PCLO: variants seen among roughly 807,000 people sequenced by gnomAD.
PCLO encodes piccolo presynaptic cytomatrix protein.
PCLO carries 82 observed loss-of-function variants against 427.5 expected under a neutral mutation model. The observed-to-expected ratio is 0.19, with a 90% CI of 0.16 to 0.23. The LOEUF is 0.23. PCLO is among the 10% of genes least tolerant of loss of function. The pLI is 1.00. For synonymous variants in PCLO, 2,357 were observed against 2,155.4 expected, an observed-to-expected ratio of 1.09 and a Z score of -2.59; for missense variants, 6,239 against 6,115.9, an observed-to-expected ratio of 1.02 and a Z score of -0.67.
At chr7:83,107,303 T>A (rs1424012814) in intron 3 of PCLO, among the ~76,000 whole-genome samples, 1 of 152,166 alleles carries the variant, frequency 6.6e-6, no homozygotes, top group Non-Finnish European at 1.5e-5. Context: ...ATCCATCCCA[T>A]TGGAGTTAAG....
intron 6 of PCLO, among the ~76,000 whole-genome samples, chr7:82,947,499 G>C (rs535053524): frequency 6.6e-6 from 1 of 152,056 alleles, no homozygotes; most frequent in Non-Finnish European, 1.5e-5. Context: ...AGTATGTCTA[G>C]ACATTTGCCT....
At chr7:82,796,288 G>T (rs1791221804) in intron 22 of PCLO, among the ~76,000 whole-genome samples, 1 of 152,110 alleles carries the variant, frequency 6.6e-6, no homozygotes, top group Non-Finnish European at 1.5e-5. Context: ...AGTGACACTG[G>T]ATTTTAGATT....
In PCLO at chr7:82,915,310, A is replaced by G. The variant is rs1183128311; in HGVS notation, c.12676T>C (p.Ser4226Pro). ...YSSYMTSSTSSIGGISSRARL... is the reference protein window; with the variant it reads ...YSSYMTSSTSPIGGISSRARL... The stretch of plus-strand genomic sequence containing the variant: ...GCCCTGGAGGAAATGCCACCAATAG[A>G]TGAAGTGCTAGAAGTCATATAGCTT... Residue 4226 changes from serine (S) to proline (P), a missense_variant, in exon 7 of 25, where the codon TCT becomes CCT. Physicochemically the swap from Ser to Pro is moderately conservative, Grantham distance 74. Around this residue, in one of 5 missense-constraint regions of PCLO, gnomAD observed 680 missense variants for 677.3 expected, o/e 1.00. Coordinates refer to ENST00000333891, the MANE Select transcript of PCLO (RefSeq NM_033026.6). 6 of 1,613,610 alleles carry G rather than the reference A, an allele frequency of 3.7e-6. No homozygotes were observed. Among genetic ancestry groups the G allele is most frequent in the Non-Finnish European group, 5.1e-6 (6 of 1,179,698 alleles).
chr7:82,965,880 G>A lies in PCLO; in HGVS notation c.3908C>T (p.Pro1303Leu). 6.2e-7 allele frequency: 1 copy of A among 1,613,902 alleles called. No homozygotes were observed. Among genetic ancestry groups the A allele is most frequent in the South Asian group, 1.1e-5 (1 of 91,078 alleles). Residue 1303 changes from proline to leucine, a missense_variant, in exon 4 of 25, where the codon CCT becomes CTT. This residue lies in a region of PCLO where 4,677 missense variants were observed against 4,468.4 expected (regional missense o/e 1.05). Transcript: ENST00000333891. Reference sequence around the variant, plus strand: ...ATCATCTTCTTTAGGTAAACTCTGAGGTGTGCCAGATGGTAAACCTTCCAT... The same window carrying A: ...ATCATCTTCTTTAGGTAAACTCTGAAGTGTGCCAGATGGTAAACCTTCCAT... Reference protein sequence around the residue: ...TKMEGLPSGTPQSLPKEDDKT... With the variant: ...TKMEGLPSGTLQSLPKEDDKT...
chr7:83,095,457 C>T (rs1790510075), intron 3 of PCLO, among the ~76,000 whole-genome samples: 1 of 151,004 alleles, frequency 6.6e-6, no homozygotes, highest in African/African-American at 2.4e-5. Context: ...TTATTTTTTT[C>T]CTTCTACTTG....
At chr7:82,776,097 G>C (rs1283321237) in intron 22 of PCLO, among the ~76,000 whole-genome samples, 1 of 151,910 alleles carries the variant, frequency 6.6e-6, no homozygotes, top group East Asian at 1.9e-4. Flanking sequence ...TTCTATATAG[G>C]TGTTCACATT....
At chr7:82,946,081 A>G (rs558150852) in intron 6 of PCLO, among the ~76,000 whole-genome samples, 10 of 152,314 alleles carry the variant, frequency 6.6e-5, no homozygotes, top group Admixed American at 3.3e-4. Flanking sequence ...TTCAACCTGT[A>G]TTCAGTGTTT....
chr7:82,826,262 C>T (rs1791941896), intron 18 of PCLO, among the ~76,000 whole-genome samples: 1 of 151,942 alleles, frequency 6.6e-6, no homozygotes, highest in Non-Finnish European at 1.5e-5. Context: ...CCTGTAAATG[C>T]ATTTTTAAAA....
chr7:83,065,959 T>A (rs987110), intron 3 of PCLO, among the ~76,000 whole-genome samples: 117,515 of 151,452 alleles, frequency 0.78, 46,444 homozygotes, highest in African/African-American at 0.92. Context: ...CTCTCATAGA[T>A]GATCATCTTT....
chr7:83,049,137 A>G (rs929925966), intron 3 of PCLO, among the ~76,000 whole-genome samples: 8 of 152,188 alleles, frequency 5.3e-5, no homozygotes, highest in African/African-American at 1.9e-4. Context: ...AGGGAACAGA[A>G]AGAAAAATAA....
At chr7:82,866,655 TAC>T (rs71096605) in intron 10 of PCLO, among the ~76,000 whole-genome samples, 17,144 of 142,956 alleles carry the variant, frequency 0.12, 1,068 homozygotes, top group East Asian at 0.18. Flanking sequence ...TGAAATTTTA[TAC>T]ACACACACAC....
At chr7:82,763,963 A>G (rs1163318886) in intron 22 of PCLO, among the ~76,000 whole-genome samples, 1 of 152,042 alleles carries the variant, frequency 6.6e-6, no homozygotes, top group East Asian at 1.9e-4. Flanking sequence ...TCAGAAATAT[A>G]TAAGATAAAT....
intron 3 of PCLO, among the ~76,000 whole-genome samples, chr7:83,015,852 T>G (rs888646313): frequency 2.0e-5 from 3 of 152,182 alleles, no homozygotes; most frequent in Admixed American, 6.6e-5. Flanking sequence ...TGTTATCTTT[T>G]AATTCTATCC....
At chr7:82,850,433 T>C (rs1792622937) in intron 10 of PCLO, among the ~76,000 whole-genome samples, 1 of 152,138 alleles carries the variant, frequency 6.6e-6, no homozygotes, top group African/African-American at 2.4e-5. Context: ...AGACAATAAT[T>C]AGGTAATTCA....
At chr7:83,057,340 ATATATATATTTTTTTTTTT>A (rs1171004734) in intron 3 of PCLO, among the ~76,000 whole-genome samples, 1 of 25,104 alleles carries the variant, frequency 4.0e-5, no homozygotes, top group African/African-American at 1.5e-4. Context: ...ATATATATAT[ATATATATATTTTTTTTTTT>A]TTTTTTTTTT....
At position 82,858,533 on chromosome 7, in the gene PCLO, G is replaced by A. The variant is rs572121283; in HGVS notation, c.13655-11286C>T. On this transcript the variant is annotated intron_variant, in intron 10 of 24. Coordinates refer to ENST00000333891, the MANE Select transcript of PCLO (RefSeq NM_033026.6). ...AAAATTGTCTATTTGCAGATGACAC[G>A]ATGTTATATATGGAAAACAGTCAAG... Among the ~76,000 whole-genome samples, 158 of 152,160 alleles carry A rather than the reference G, an allele frequency of 1.0e-3. 1 individual carries two copies. The highest frequency in any genetic ancestry group is 1.7e-3 in the Non-Finnish European group (115 of 67,986).
At chr7:83,097,913 T>A (rs996460157) in intron 3 of PCLO, among the ~76,000 whole-genome samples, 4 of 152,114 alleles carry the variant, frequency 2.6e-5, no homozygotes, top group African/African-American at 7.2e-5. Context: ...ATAAAATTAA[T>A]TTCCAAAGTG....
At position 82,914,972 on chromosome 7, in the gene PCLO, C is replaced by T; in HGVS notation, c.13014G>A (p.Lys4338=). The part of the protein sequence containing the change: ...FSHASSSART[K]PTSLPISQSR... The stretch of plus-strand genomic sequence containing the variant: ...TTTGACTAATTGGCAAACTGGTCGG[C>T]TTAGTTCTGGCAGAGGATGATGCAT... The change falls in exon 7 of 25, where the codon AAG becomes AAA. Residue 4338 remains lysine, a synonymous_variant. Transcript: ENST00000333891. 6.2e-7 allele frequency: 1 copy of T among 1,613,670 alleles called. No homozygotes were observed. The highest frequency in any genetic ancestry group is 2.2e-5 in the East Asian group (1 of 44,824).
chr7:83,054,674 T>G (rs1583963450), intron 3 of PCLO, among the ~76,000 whole-genome samples: 1 of 151,970 alleles, frequency 6.6e-6, no homozygotes, highest in South Asian at 2.1e-4. Flanking sequence ...AAAATTTACA[T>G]AGTAAACCAT....
Sources: gnomAD v4.1 joint callset for allele counts (sites outside exome capture counted in the v4.1 genomes callset) on GRCh38, gnomAD v4.1.1 for gene constraint, gnomAD v4.1.1 regional missense constraint, MANE v1.5 for transcripts, NCBI Gene and HGNC (gene_info 2026-07-23, HGNC 2026-07-21) for gene names.